The following KIAA1328 variants were observed in gnomAD, a reference collection of about 807,000 sequenced individuals.
KIAA1328 encodes KIAA1328.
A neutral mutation model predicts 68.1 loss-of-function variants in KIAA1328; 52 were observed. The ratio of observed to expected loss-of-function variants is 0.76; its 90% CI spans 0.61 to 0.96. The LOEUF is 0.96. Among genes scored for constraint, KIAA1328 ranks in the 40% least tolerant of loss-of-function variants. The pLI, the probability that KIAA1328 is intolerant of heterozygous loss-of-function variation, is 0.00. For missense variants in KIAA1328, 641 were observed against 677.6 expected, an observed-to-expected ratio of 0.95 and a Z score of 0.60; for synonymous variants, 232 against 239.4, an observed-to-expected ratio of 0.97 and a Z score of 0.28.
intron 4 of KIAA1328, among the ~76,000 whole-genome samples, chr18:36,877,822 A>G (rs1399074657): frequency 1.3e-5 from 2 of 151,746 alleles, no homozygotes; most frequent in East Asian, 3.9e-4. Context: ...GCCCGCCACA[A>G]TGGCTGGCTA....
intron 5 of KIAA1328, among the ~76,000 whole-genome samples, chr18:36,906,022 A>G (rs1357578881): frequency 6.6e-6 from 1 of 152,180 alleles, no homozygotes; most frequent in Non-Finnish European, 1.5e-5. Flanking sequence ...GAAACAACTT[A>G]TAAACTACAG....
At chr18:37,025,372 C>A (rs1001115349) in intron 6 of KIAA1328, among the ~76,000 whole-genome samples, 3 of 152,178 alleles carry the variant, frequency 2.0e-5, no homozygotes, top group Admixed American at 1.3e-4. Context: ...ACCAAGTGAA[C>A]CTAATAGACA....
chr18:37,159,210 A>G (rs2059223104), intron 7 of KIAA1328, among the ~76,000 whole-genome samples: 1 of 152,228 alleles, frequency 6.6e-6, no homozygotes, highest in Non-Finnish European at 1.5e-5. Flanking sequence ...ACTGCTAAAA[A>G]TTCTGATCGA....
chr18:37,107,229 ACT>A (rs1230513543), intron 7 of KIAA1328, among the ~76,000 whole-genome samples: 1 of 152,132 alleles, frequency 6.6e-6, no homozygotes, highest in Admixed American at 6.5e-5. Context: ...ACAGAGTGAG[ACT>A]CTGTCTTAAA....
chr18:37,055,396 T>C (rs904209278), intron 6 of KIAA1328, among the ~76,000 whole-genome samples: 2 of 152,226 alleles, frequency 1.3e-5, no homozygotes, highest in Non-Finnish European at 2.9e-5. Flanking sequence ...CAGAAGTTTG[T>C]AAGTTGCAAC....
intron 6 of KIAA1328, among the ~76,000 whole-genome samples, chr18:37,019,025 T>G (rs939881635): frequency 6.6e-6 from 1 of 152,218 alleles, no homozygotes; most frequent in Non-Finnish European, 1.5e-5. Flanking sequence ...GAATTCATGC[T>G]CTGATTCCTT....
chr18:36,959,157 T>C, intron 5 of KIAA1328, 151 bp from the exon 6 acceptor site: 1 of 596,556 alleles, frequency 1.7e-6, no homozygotes, highest in Non-Finnish European at 2.7e-6. Context: ...GAAATACATG[T>C]AACTTTTATC....
At chr18:36,938,591 A>T (rs1039511379) in intron 5 of KIAA1328, among the ~76,000 whole-genome samples, 16 of 151,880 alleles carry the variant, frequency 1.1e-4, no homozygotes, top group African/African-American at 3.9e-4. Context: ...AGAAGCTTTG[A>T]TGTAATCCCA....
intron 7 of KIAA1328, chr18:37,084,175 A>G: frequency 6.6e-7 from 1 of 1,526,570 alleles, no homozygotes; most frequent in Non-Finnish European, 8.8e-7. Context: ...GCTGAAAAAC[A>G]GCTTACTAAA....
chr18:37,155,761 G>T (rs557876263), intron 7 of KIAA1328, among the ~76,000 whole-genome samples: 1 of 152,238 alleles, frequency 6.6e-6, no homozygotes, highest in Non-Finnish European at 1.5e-5. Context: ...GATCTGACCT[G>T]CCCTGTCTTA....
At chr18:37,219,420 C>T (rs1249818346) in intron 9 of KIAA1328, among the ~76,000 whole-genome samples, 4 of 152,208 alleles carry the variant, frequency 2.6e-5, no homozygotes, top group Non-Finnish European at 4.4e-5. Flanking sequence ...TCAGCTCTGC[C>T]CTTCCCCCAG....
intron 9 of KIAA1328, among the ~76,000 whole-genome samples, chr18:37,200,716 C>T (rs1203654695): frequency 6.6e-6 from 1 of 150,584 alleles, no homozygotes; most frequent in Non-Finnish European, 1.5e-5. Flanking sequence ...GAGGCTGAGG[C>T]AGGAGAATGG....
chr18:37,155,785 C>T (rs147598967), intron 7 of KIAA1328, among the ~76,000 whole-genome samples: 11 of 152,330 alleles, frequency 7.2e-5, no homozygotes, highest in African/African-American at 2.2e-4. Flanking sequence ...GCTTCATCTC[C>T]GTTCCTCCCT....
At chr18:37,044,418 A>C (rs2055381514) in intron 6 of KIAA1328, among the ~76,000 whole-genome samples, 1 of 152,152 alleles carries the variant, frequency 6.6e-6, no homozygotes, top group South Asian at 2.1e-4. Context: ...AAGATGACAT[A>C]TATATTTCTA....
At chr18:36,978,578 ACTTT>A (rs1371935258) in intron 6 of KIAA1328, among the ~76,000 whole-genome samples, 4 of 152,274 alleles carry the variant, frequency 2.6e-5, no homozygotes, top group African/African-American at 9.6e-5. Context: ...CACATTTTTA[ACTTT>A]CTTTATATCT....
Position 37,097,274 on chromosome 18 carries a change from T to C in KIAA1328, c.1232+29729T>C, listed in dbSNP as rs1264862616. The stretch of plus-strand genomic sequence containing the variant: ...TATAAGGTGTGAGGAAGGGATCCAG[T>C]TTCAGCTTTCTACATATGGCTAGCC... On this transcript the variant is annotated intron_variant, in intron 7 of 9. Transcript: ENST00000280020. Among the ~76,000 whole-genome samples, 14 of 152,216 alleles carry C rather than the reference T, an allele frequency of 9.2e-5. No individual in the cohort carries two copies. In the South Asian group the frequency reaches 1.0e-3, roughly 11 times the overall value.
At chr18:36,966,481 G>A (rs902413084) in intron 6 of KIAA1328, among the ~76,000 whole-genome samples, 2 of 152,028 alleles carry the variant, frequency 1.3e-5, no homozygotes, top group African/African-American at 4.8e-5. Flanking sequence ...GAGAAGGGAG[G>A]GAGCTATATT....
At chr18:36,957,958 C>G (rs908954218) in intron 5 of KIAA1328, among the ~76,000 whole-genome samples, 8 of 152,132 alleles carry the variant, frequency 5.3e-5, no homozygotes, top group East Asian at 3.9e-4. Context: ...TGCAGTTACT[C>G]TCCATTTCTT....
chr18:37,039,482 G>C (rs1325911133), intron 6 of KIAA1328, among the ~76,000 whole-genome samples: 1 of 151,394 alleles, frequency 6.6e-6, no homozygotes, highest in Non-Finnish European at 1.5e-5. Context: ...GCGCAATCTC[G>C]GCTCACTGCA....
Sources: gnomAD v4.1 joint callset for allele counts (sites outside exome capture counted in the v4.1 genomes callset) on GRCh38, gnomAD v4.1.1 for gene constraint, MANE v1.5 for transcripts, NCBI Gene and HGNC (gene_info 2026-07-23, HGNC 2026-07-21) for gene names.